Variants in RBM20 observed in about 807,000 individuals in gnomAD.
RBM20 encodes RNA-binding protein 20.
A neutral mutation model predicts 110.1 loss-of-function variants in RBM20; 51 were observed. That is an observed-to-expected ratio of 0.46 (90% CI 0.37 to 0.59). The LOEUF is 0.59. RBM20 is among the 20% of genes least tolerant of loss of function. The pLI is 0.00. For missense variants in RBM20, 1,512 were observed against 1,574.9 expected, an observed-to-expected ratio of 0.96 and a Z score of 0.68; for synonymous variants, 589 against 618.2, an observed-to-expected ratio of 0.95 and a Z score of 0.70.
intron 6 of RBM20, among the ~76,000 whole-genome samples, chr10:110,797,920 G>T (rs893678888): frequency 2.0e-5 from 3 of 152,084 alleles, no homozygotes; most frequent in African/African-American, 7.2e-5. Flanking sequence ...ACATAGAAAG[G>T]GTAATTGGCA....
At chr10:110,802,883 G>A (rs1490185460) in intron 7 of RBM20, among the ~76,000 whole-genome samples, 2 of 152,318 alleles carry the variant, frequency 1.3e-5, no homozygotes, top group Admixed American at 1.3e-4. Context: ...GGGCTCTACC[G>A]CTTCCTGCTT....
chr10:110,826,338 A>T (rs726803), intron 12 of RBM20, among the ~76,000 whole-genome samples: 3 of 151,904 alleles, frequency 2.0e-5, no homozygotes, highest in Admixed American at 1.3e-4. Flanking sequence ...GACCATCACC[A>T]CAATCAAGAC....
chr10:110,807,684 C>A (rs763385554), intron 7 of RBM20, among the ~76,000 whole-genome samples: 1 of 152,242 alleles, frequency 6.6e-6, no homozygotes, highest in African/African-American at 2.4e-5. Context: ...CCTCCTCCCA[C>A]GTCGGTCTTT....
intron 1 of RBM20, among the ~76,000 whole-genome samples, chr10:110,691,923 C>G (rs1862591481): frequency 6.6e-6 from 1 of 152,160 alleles, no homozygotes; most frequent in South Asian, 2.1e-4. Flanking sequence ...TTTATAATCT[C>G]AAGTTCTGGT....
chr10:110,680,300 G>T (rs541269787), intron 1 of RBM20, among the ~76,000 whole-genome samples: 1 of 152,242 alleles, frequency 6.6e-6, no homozygotes, highest in Admixed American at 6.5e-5. Flanking sequence ...GTGGGGAGGG[G>T]TGGCACTGGC....
chr10:110,773,940 T>C (rs1336958990), intron 1 of RBM20, among the ~76,000 whole-genome samples: 1 of 152,194 alleles, frequency 6.6e-6, no homozygotes, highest in Non-Finnish European at 1.5e-5. Context: ...CATGTTTAAC[T>C]AACCCAAACT....
chr10:110,720,128 C>T (rs1340363720), intron 1 of RBM20, among the ~76,000 whole-genome samples: 5 of 152,186 alleles, frequency 3.3e-5, no homozygotes, highest in Non-Finnish European at 7.3e-5. Context: ...CTAAAGCCCT[C>T]AACTCCTGAT....
At chr10:110,807,043 G>A (rs999080801) in intron 7 of RBM20, among the ~76,000 whole-genome samples, 1 of 152,214 alleles carries the variant, frequency 6.6e-6, no homozygotes, top group East Asian at 1.9e-4. Context: ...CAGAACTGAT[G>A]CTCTGATCCT....
intron 1 of RBM20, among the ~76,000 whole-genome samples, chr10:110,723,110 T>TAAAA (rs575216610): frequency 3.0e-4 from 39 of 128,130 alleles, no homozygotes; most frequent in African/African-American, 7.8e-4. Context: ...AGACTCCATC[T>TAAAA]AAAAAAAAAA....
At chr10:110,799,401 G>A (rs766650912) in intron 6 of RBM20, among the ~76,000 whole-genome samples, 18 of 152,116 alleles carry the variant, frequency 1.2e-4, no homozygotes, top group Non-Finnish European at 2.9e-5. Context: ...TTATAAAAAG[G>A]TCTCTTTGAA....
intron 9 of RBM20, among the ~76,000 whole-genome samples, chr10:110,813,366 CCA>C (rs1844800152): frequency 6.6e-6 from 1 of 152,116 alleles, no homozygotes; most frequent in African/African-American, 2.4e-5. Context: ...GTGTTTGCAC[CCA>C]AAGAGCCTCC....
chr10:110,807,808 A>G (rs560405714), intron 7 of RBM20, among the ~76,000 whole-genome samples: 3 of 152,322 alleles, frequency 2.0e-5, no homozygotes, highest in Admixed American at 1.3e-4. Context: ...TCCAACTCCC[A>G]TGGGGAATTT....
chr10:110,774,211 G>A (rs1395445877), intron 1 of RBM20, among the ~76,000 whole-genome samples: 1 of 152,182 alleles, frequency 6.6e-6, no homozygotes, highest in East Asian at 1.9e-4. Flanking sequence ...GACAGCTAAT[G>A]AAGTGAGAAC....
At chr10:110,783,105 C>T (rs1844375168) in intron 2 of RBM20, among the ~76,000 whole-genome samples, 1 of 151,996 alleles carries the variant, frequency 6.6e-6, no homozygotes, top group Non-Finnish European at 1.5e-5. Flanking sequence ...AGAGGGAATC[C>T]AATTTGTGAG....
chr10:110,686,688 G>A (rs1237231036), intron 1 of RBM20, among the ~76,000 whole-genome samples: 10 of 152,112 alleles, frequency 6.6e-5, no homozygotes. Flanking sequence ...TTTTACAGAT[G>A]TCTGGAATTT....
chr10:110,759,406 C>T (rs1005448010), intron 1 of RBM20, among the ~76,000 whole-genome samples: 5 of 152,006 alleles, frequency 3.3e-5, no homozygotes, highest in African/African-American at 1.2e-4. Flanking sequence ...GAGAATTTCA[C>T]CTTGAATTGC....
chr10:110,781,372 G>A lies in RBM20; in HGVS notation c.763G>A (p.Ala255Thr). 1 of 1,551,686 alleles carries A rather than the reference G, an allele frequency of 6.4e-7. No individual in the cohort carries two copies. The change falls in exon 2 of 14, where the codon GCC becomes ACC. Residue 255 changes from alanine to threonine, a missense_variant. Physicochemically the swap from Ala to Thr is moderately conservative, Grantham distance 58. Around this residue, in one of 3 missense-constraint regions of RBM20, gnomAD observed 1,149 missense variants for 1,169.4 expected, o/e 0.98. Coordinates refer to ENST00000369519, the MANE Select transcript of RBM20 (RefSeq NM_001134363.3). ...TCAGCCTGGCTTCCTGCCATCCTCGGCCTCAACCTCGGGCAGTGTGACCTA... is the reference window on the plus strand; with the variant it reads ...TCAGCCTGGCTTCCTGCCATCCTCGACCTCAACCTCGGGCAGTGTGACCTA... ...DGQPGFLPSS[A>T]STSGSVTYEG... is the part of the protein sequence containing the mutation.
intron 1 of RBM20, among the ~76,000 whole-genome samples, chr10:110,678,560 T>A (rs1480519213): frequency 6.6e-6 from 1 of 152,212 alleles, no homozygotes; most frequent in Non-Finnish European, 1.5e-5. Context: ...TGGAAAGCAC[T>A]CTTGAGTGTG....
chr10:110,727,812 C>T (rs1366470337), intron 1 of RBM20, among the ~76,000 whole-genome samples: 1 of 152,124 alleles, frequency 6.6e-6, no homozygotes, highest in South Asian at 2.1e-4. Flanking sequence ...GTCCCCCATC[C>T]CTCAACAGGC....
Sources: allele counts gnomAD v4.1 joint callset (sites outside exome capture counted in the v4.1 genomes callset), GRCh38; gene constraint gnomAD v4.1.1; regional missense constraint gnomAD v4.1.1; transcripts MANE v1.5; gene names NCBI Gene and HGNC (gene_info 2026-07-23, HGNC 2026-07-21).